The following GNG7 variants were observed in gnomAD, a reference collection of about 807,000 sequenced individuals.
GNG7 encodes G protein subunit gamma 7, also known as guanine nucleotide-binding protein G(I)/G(S)/G(O) subunit gamma-7.
A neutral mutation model predicts 4.0 loss-of-function variants in GNG7; 1 was observed. The ratio of observed to expected loss-of-function variants is 0.25; its 90% CI spans 0.09 to 1.18. The LOEUF (loss-of-function observed/expected upper bound fraction) is 1.18. GNG7 is among the 50% of genes most tolerant of loss of function. GNG7 has a pLI of 0.50. For missense variants in GNG7, 86 were observed against 91.9 expected, an observed-to-expected ratio of 0.94 and a Z score of 0.26; for synonymous variants, 34 against 36.9, an observed-to-expected ratio of 0.92 and a Z score of 0.29.
At chr19:2,680,521 T>C (rs1983704407) in intron 1 of GNG7, among the ~76,000 whole-genome samples, 2 of 151,712 alleles carry the variant, frequency 1.3e-5, no homozygotes, top group African/African-American at 4.8e-5. Context: ...AGTGACCACA[T>C]AGACTAACAG....
chr19:2,565,572 C>T (rs1293848820), intron 2 of GNG7, among the ~76,000 whole-genome samples: 1 of 151,822 alleles, frequency 6.6e-6, no homozygotes, highest in African/African-American at 2.4e-5. Flanking sequence ...TTAGTTCCTT[C>T]CCTCCAGGAC....
intron 2 of GNG7, among the ~76,000 whole-genome samples, chr19:2,566,315 G>A (rs143954308): frequency 3.4e-4 from 51 of 152,204 alleles, no homozygotes; most frequent in African/African-American, 1.1e-3. Context: ...AAGGATCTCC[G>A]GCCATCACCA....
rs1319525938 is a variant in GNG7 at position 2,551,666 on chromosome 19, A to AT, written c.-38+3482dup. On this transcript the variant is annotated intron_variant, in intron 3 of 4. Coordinates refer to ENST00000382159, the MANE Select transcript of GNG7 (RefSeq NM_052847.3). ...ATACATATTTATAAATAAAATATAT[A>AT]TTTAAAAAATATATATATATACACA... Among the ~76,000 whole-genome samples, 6 of 68,486 alleles carry AT rather than the reference A, an allele frequency of 8.8e-5. No individual in the cohort carries two copies. The Admixed American group carries it at 9.5e-4, about 11-fold the overall frequency. 44.9% of individuals were successfully genotyped at this position (68,486 alleles called of 152,430 possible).
chr19:2,685,826 C>T lies in GNG7; in HGVS notation c.-135+16820G>A, dbSNP rs577063924. 5.9e-5 allele frequency among the ~76,000 whole-genome samples: 9 copies of T among 152,200 alleles called. No individual in the cohort carries two copies. In the East Asian group the frequency reaches 1.5e-3, roughly 26 times the overall value. On this transcript the variant is annotated intron_variant, in intron 1 of 4. Coordinates refer to ENST00000382159, the MANE Select transcript of GNG7 (RefSeq NM_052847.3). ...GCAGGGGACGGCCTTGAACACCCAGCGACACCCTGCCGTTGTTTGCCCAGT... is the reference window on the plus strand; with the variant it reads ...GCAGGGGACGGCCTTGAACACCCAGTGACACCCTGCCGTTGTTTGCCCAGT...
intron 1 of GNG7, among the ~76,000 whole-genome samples, chr19:2,651,344 ATCCC>A (rs1304496212): frequency 0.011 from 41 of 3,646 alleles, no homozygotes; most frequent in Non-Finnish European, 0.017. Context: ...CCTTCCCTCC[ATCCC>A]TCCCTCCCTC....
chr19:2,657,397 T>TACACACACAC (rs1386656692), intron 1 of GNG7, among the ~76,000 whole-genome samples: 1 of 82,714 alleles, frequency 1.2e-5, no homozygotes, highest in African/African-American at 5.1e-5. Context: ...TATATATATA[T>TACACACACAC]ATACACATAA....
intron 1 of GNG7, among the ~76,000 whole-genome samples, chr19:2,677,370 A>T (rs191613786): frequency 1.4e-3 from 215 of 152,054 alleles, no homozygotes; most frequent in Non-Finnish European, 2.1e-3. Context: ...GTTATGACTC[A>T]GGGATGCTCC....
chr19:2,515,065 G>A lies in GNG7; in HGVS notation c.164C>T (p.Ser55Leu), dbSNP rs375210035. 27 of 1,613,878 alleles carry A rather than the reference G, an allele frequency of 1.7e-5. No homozygotes were observed. The highest frequency in any genetic ancestry group is 1.3e-4 in the African/African-American group (10 of 74,916). ...NDPLLVGVPA[S>L]ENPFKDKKPC... ...TTTCTTGTCCTTAAAGGGGTTCTCC[G>A]AGGCAGGGACTCCGACCAGCAGGGG... Residue 55 changes from serine (S) to leucine (L), a missense_variant, in exon 5 of 5, where the codon TCG becomes TTG. Coordinates refer to ENST00000382159, the MANE Select transcript of GNG7 (RefSeq NM_052847.3).
chr19:2,534,215 T>C (rs1978671787), intron 3 of GNG7, among the ~76,000 whole-genome samples: 1 of 152,158 alleles, frequency 6.6e-6, no homozygotes, highest in African/African-American at 2.4e-5. Context: ...CAGAGACTTT[T>C]CTTCAGTCCA....
chr19:2,662,599 C>A (rs191351453), intron 1 of GNG7, among the ~76,000 whole-genome samples: 1 of 152,094 alleles, frequency 6.6e-6, no homozygotes, highest in Non-Finnish European at 1.5e-5. Flanking sequence ...AGAATACAGA[C>A]GAAAAGATGC....
chr19:2,643,051 G>A, intron 2 of GNG7: 1 of 452,154 alleles, frequency 2.2e-6, no homozygotes. Context: ...TGCAAAGTCT[G>A]AGCCCTCTCC....
chr19:2,569,370 G>A (rs1332343345), intron 2 of GNG7, among the ~76,000 whole-genome samples: 1 of 152,104 alleles, frequency 6.6e-6, no homozygotes, highest in East Asian at 1.9e-4. Context: ...CCGCCTCCTG[G>A]GTTGACACCA....
intron 2 of GNG7, among the ~76,000 whole-genome samples, chr19:2,593,065 AG>A (rs1228995933): frequency 6.9e-6 from 1 of 145,976 alleles, no homozygotes; most frequent in Non-Finnish European, 1.5e-5. Context: ...AAGGAGAGGG[AG>A]GGAGGAAAAA....
At chr19:2,518,388 T>C (rs56018454) in intron 4 of GNG7, among the ~76,000 whole-genome samples, 41,131 of 152,130 alleles carry the variant, frequency 0.27, 5,898 homozygotes, top group South Asian at 0.35. Context: ...CTTTCTCTCT[T>C]TTCAGCCCGA....
chr19:2,540,939 C>T (rs942849302), intron 3 of GNG7, among the ~76,000 whole-genome samples: 1 of 152,246 alleles, frequency 6.6e-6, no homozygotes, highest in Non-Finnish European at 1.5e-5. Context: ...GAGCCGCCGC[C>T]GCCAGGGCCA....
chr19:2,556,286 G>T (rs542555537), intron 2 of GNG7, among the ~76,000 whole-genome samples: 2 of 152,324 alleles, frequency 1.3e-5, no homozygotes, highest in Admixed American at 6.5e-5. Context: ...CTGCCTAGCG[G>T]GGCTCACCCT....
intron 1 of GNG7, among the ~76,000 whole-genome samples, chr19:2,668,361 AAAAG>A (rs1427147074): frequency 6.6e-6 from 1 of 152,210 alleles, no homozygotes; most frequent in Non-Finnish European, 1.5e-5. Context: ...TAAAACCTAG[AAAAG>A]AAAGACGCTA....
At chr19:2,531,920 G>A (rs909352387) in intron 3 of GNG7, among the ~76,000 whole-genome samples, 2 of 151,964 alleles carry the variant, frequency 1.3e-5, no homozygotes, top group Admixed American at 1.3e-4. Flanking sequence ...GGGAGGCCTA[G>A]GCAGGCGGAT....
At chr19:2,596,267 G>A (rs1981017699) in intron 2 of GNG7, among the ~76,000 whole-genome samples, 1 of 152,168 alleles carries the variant, frequency 6.6e-6, no homozygotes, top group African/African-American at 2.4e-5. Flanking sequence ...GCTGAGACAG[G>A]AGAATCGCTT....
Sources: gnomAD v4.1 joint callset for allele counts (sites outside exome capture counted in the v4.1 genomes callset) on GRCh38, gnomAD v4.1.1 for gene constraint, MANE v1.5 for transcripts, NCBI Gene and HGNC (gene_info 2026-07-23, HGNC 2026-07-21) for gene names.